Variants in CSMD1 observed in about 807,000 individuals in gnomAD.
The protein encoded by CSMD1 is CUB and Sushi multiple domains 1.
In CSMD1, 213 loss-of-function variants were observed where a neutral mutation model predicts 417.5. That is an observed-to-expected ratio of 0.51 (90% confidence interval 0.46 to 0.57). CSMD1 has a LOEUF of 0.57. Among genes scored for constraint, CSMD1 ranks in the 20% least tolerant of loss-of-function variants. The pLI is 0.00. For missense variants in CSMD1, 6,923 were observed against 4,529.7 expected (o/e 1.53, Z -15.17); for synonymous variants, 2,862 against 1,736.8 (o/e 1.65, Z -16.11).
At chr8:2,949,417 A>AGAAAAGAAAAG in intron 67 of CSMD1, 31 bp from the exon 68 acceptor site, 18 of 221,716 alleles carry the variant, frequency 8.1e-5, no homozygotes, top group Non-Finnish European at 1.2e-4. Context: ...GAAAAGAAAT[A>AGAAAAGAAAAG]AAAAGGTATA....
intron 2 of CSMD1, among the ~76,000 whole-genome samples, chr8:4,466,131 T>C (rs538555958): frequency 6.6e-6 from 1 of 152,308 alleles, no homozygotes; most frequent in East Asian, 1.9e-4. Flanking sequence ...GATAGTTTTA[T>C]AAAGAATGAA....
chr8:3,514,164 C>G (rs6997923), intron 10 of CSMD1, among the ~76,000 whole-genome samples: 54,282 of 152,056 alleles, frequency 0.36, 12,033 homozygotes, highest in African/African-American at 0.62. Flanking sequence ...AGGAAGCTGT[C>G]ATAGCTTGTT....
At chr8:3,129,958 A>G (rs1294776105) in intron 41 of CSMD1, among the ~76,000 whole-genome samples, 2 of 152,122 alleles carry the variant, frequency 1.3e-5, no homozygotes, top group Non-Finnish European at 2.9e-5. Context: ...TCCAGCCTAA[A>G]TAACAGAGTG....
At chr8:4,826,908 G>A (rs1585168174) in intron 1 of CSMD1, among the ~76,000 whole-genome samples, 1 of 152,086 alleles carries the variant, frequency 6.6e-6, no homozygotes, top group African/African-American at 2.4e-5. Context: ...CTCAAAATCT[G>A]AGCACTTATC....
chr8:4,586,565 T>C (rs1162126954), intron 2 of CSMD1, among the ~76,000 whole-genome samples: 1 of 151,184 alleles, frequency 6.6e-6, no homozygotes, highest in South Asian at 2.1e-4. Context: ...GTAACCTTTT[T>C]AGCATTTTTT....
chr8:4,696,759 G>A (rs1305600140), intron 1 of CSMD1, among the ~76,000 whole-genome samples: 1 of 152,198 alleles, frequency 6.6e-6, no homozygotes, highest in Non-Finnish European at 1.5e-5. Context: ...CAACATGGGT[G>A]TCCAATGACT....
chr8:4,279,886 G>T (rs1796685840), intron 3 of CSMD1, among the ~76,000 whole-genome samples: 1 of 152,274 alleles, frequency 6.6e-6, no homozygotes, highest in South Asian at 2.1e-4. Context: ...GATGCCAACT[G>T]CGTCAAAAGC....
intron 4 of CSMD1, among the ~76,000 whole-genome samples, chr8:4,031,016 C>G (rs1251478710): frequency 6.6e-6 from 1 of 152,186 alleles, no homozygotes; most frequent in Non-Finnish European, 1.5e-5. Context: ...ACCACCTCAG[C>G]CAGGATTTCA....
intron 7 of CSMD1, among the ~76,000 whole-genome samples, chr8:3,684,636 C>T (rs1035067076): frequency 1.7e-4 from 25 of 147,970 alleles, no homozygotes; most frequent in Non-Finnish European, 2.4e-4. Flanking sequence ...CTCGCTCTCT[C>T]GCCCAGGCTG....
At chr8:4,785,520 C>G (rs992357035) in intron 1 of CSMD1, among the ~76,000 whole-genome samples, 3 of 152,106 alleles carry the variant, frequency 2.0e-5, no homozygotes, top group African/African-American at 4.8e-5. Context: ...CTAGACAGCA[C>G]CAGAGAGCTT....
intron 1 of CSMD1, among the ~76,000 whole-genome samples, chr8:4,718,836 G>C (rs970084410): frequency 2.0e-5 from 3 of 151,796 alleles, no homozygotes; most frequent in Non-Finnish European, 4.4e-5. Context: ...AATTTTTAAA[G>C]ATATAATACT....
At chr8:3,864,272 A>G (rs1195298876) in intron 5 of CSMD1, among the ~76,000 whole-genome samples, 1 of 152,172 alleles carries the variant, frequency 6.6e-6, no homozygotes, top group Admixed American at 6.5e-5. Context: ...GGGAATCATA[A>G]CTCAATAATT....
At chr8:3,185,716 C>T (rs567915611) in intron 36 of CSMD1, among the ~76,000 whole-genome samples, 23 of 152,264 alleles carry the variant, frequency 1.5e-4, no homozygotes, top group Non-Finnish European at 2.8e-4. Context: ...TCAGACAAAA[C>T]GTGGCAAGAC....
At chr8:4,426,051 C>G (rs182090729) in intron 2 of CSMD1, among the ~76,000 whole-genome samples, 1 of 150,066 alleles carries the variant, frequency 6.7e-6, no homozygotes, top group South Asian at 2.1e-4. Context: ...TGAAATTTTA[C>G]TGAAGAAAAC....
chr8:3,485,936 C>T (rs189364234), intron 11 of CSMD1, among the ~76,000 whole-genome samples: 14 of 152,154 alleles, frequency 9.2e-5, no homozygotes, highest in Admixed American at 2.6e-4. Context: ...GAGATCCGGA[C>T]GAAGTCTATA....
At chr8:3,790,281 A>T (rs1201654659) in intron 5 of CSMD1, among the ~76,000 whole-genome samples, 1 of 152,208 alleles carries the variant, frequency 6.6e-6, no homozygotes, top group Non-Finnish European at 1.5e-5. Context: ...AACAGAAAAC[A>T]AGATGAAGTA....
intron 10 of CSMD1, among the ~76,000 whole-genome samples, chr8:3,547,666 T>C (rs924118726): frequency 5.9e-5 from 9 of 152,350 alleles, no homozygotes; most frequent in Admixed American, 3.9e-4. Context: ...AATTTAAATA[T>C]ACTACAACCT....
chr8:4,888,557 T>C (rs1464176111), intron 1 of CSMD1, among the ~76,000 whole-genome samples: 1 of 152,016 alleles, frequency 6.6e-6, no homozygotes, highest in African/African-American at 2.4e-5. Context: ...TGAGAGTCTA[T>C]GGACCCCTGT....
In CSMD1 at chr8:3,628,809, G is replaced by C. The variant is rs1049914461; in HGVS notation, c.1010-12012C>G. Among the ~76,000 whole-genome samples the C allele has an allele frequency of 2.0e-5, 3 of 152,144 alleles. No homozygotes were observed. The East Asian group carries it at 5.8e-4, about 29-fold the overall frequency. On this transcript the variant is annotated intron_variant, in intron 7 of 69. Transcript: ENST00000635120. ...CTTCCTAGTTTTGGCACACGTGTCCGAGCCAAGAACTCTCATCTCTCTCTT... is the reference window on the plus strand; with the variant it reads ...CTTCCTAGTTTTGGCACACGTGTCCCAGCCAAGAACTCTCATCTCTCTCTT...
Sources: gnomAD v4.1 joint callset for allele counts (sites outside exome capture counted in the v4.1 genomes callset) on GRCh38, gnomAD v4.1.1 for gene constraint, MANE v1.5 for transcripts, NCBI Gene and HGNC (gene_info 2026-07-23, HGNC 2026-07-21) for gene names.